The following TBC1D4 variants were observed in gnomAD, a reference collection of about 807,000 sequenced individuals.
TBC1D4 encodes TBC1 domain family member 4, also known as TBC (Tre-2, BUB2, CDC16) domain-containing protein.
TBC1D4 carries 121 observed loss-of-function variants against 142.5 expected under a neutral mutation model. The observed-to-expected ratio is 0.85, with a 90% CI of 0.73 to 0.99. TBC1D4 has a LOEUF of 0.99. TBC1D4 is among the 50% of genes least tolerant of loss of function. The pLI, the probability that TBC1D4 is intolerant of heterozygous loss-of-function variation, is 0.00. For synonymous variants in TBC1D4, 630 were observed against 628.2 expected, an observed-to-expected ratio of 1.00 and a Z score of -0.04; for missense variants, 1,475 against 1,606.6, an observed-to-expected ratio of 0.92 and a Z score of 1.40.
intron 1 of TBC1D4, among the ~76,000 whole-genome samples, chr13:75,456,954 G>T (rs1169013185): frequency 2.6e-5 from 4 of 151,780 alleles, no homozygotes; most frequent in African/African-American, 9.7e-5. Context: ...AATAAAAAAG[G>T]GCAAGTTTCT....
chr13:75,290,246 A>G (rs769225889), intron 19 of TBC1D4, among the ~76,000 whole-genome samples: 4 of 152,080 alleles, frequency 2.6e-5, no homozygotes, highest in Non-Finnish European at 5.9e-5. Context: ...CTAGATGTTG[A>G]GATTTATAGT....
intron 1 of TBC1D4, among the ~76,000 whole-genome samples, chr13:75,379,942 G>T (rs1281162849): frequency 3.2e-5 from 4 of 125,680 alleles, no homozygotes; most frequent in Admixed American, 9.4e-5. Context: ...GTCTTGCTCT[G>T]TTGCCCAGGC....
intron 1 of TBC1D4, among the ~76,000 whole-genome samples, chr13:75,428,777 A>T (rs1886479920): frequency 6.6e-6 from 1 of 152,226 alleles, no homozygotes; most frequent in Non-Finnish European, 1.5e-5. Context: ...CTTGCCGCAA[A>T]CATAAACAGG....
At chr13:75,458,070 G>A (rs1272914183) in intron 1 of TBC1D4, among the ~76,000 whole-genome samples, 1 of 152,234 alleles carries the variant, frequency 6.6e-6, no homozygotes, top group Non-Finnish European at 1.5e-5. Flanking sequence ...TGGAGAGTTG[G>A]GGTGACAGCC....
In TBC1D4 at chr13:75,362,127, G is replaced by A. The variant is rs778830148; in HGVS notation, c.979C>T (p.His327Tyr). ...GGCTGGGATTTCTGGCTGCCCTCGT[G>A]AACTCTCCGTTGCACGCCGGTGACA... ...SSVTGVQRRVHEGSQKSQPRR... is the reference protein window; with the variant it reads ...SSVTGVQRRVYEGSQKSQPRR... The change falls in exon 2 of 21, where the codon CAC becomes TAC. Residue 327 changes from histidine (H) to tyrosine (Y), a missense_variant. By Grantham distance (83) the His-to-Tyr change is moderately conservative. This residue lies in a region of TBC1D4 where 1,227 missense variants were observed against 1,267.7 expected (regional missense o/e 0.97). Coordinates refer to ENST00000377636, the MANE Select transcript of TBC1D4 (RefSeq NM_014832.5). The surrounding 1 kb of genome is among the most constrained non-coding windows in gnomAD (Gnocchi z 4.2). 3.1e-5 allele frequency: 50 copies of A among 1,613,772 alleles called. No individual in the cohort carries two copies. The highest frequency in any genetic ancestry group is 4.0e-5 in the Non-Finnish European group (47 of 1,180,022).
intron 13 of TBC1D4, among the ~76,000 whole-genome samples, chr13:75,312,169 C>T (rs981016515): frequency 3.3e-5 from 5 of 152,030 alleles, no homozygotes; most frequent in Admixed American, 2.0e-4. Context: ...AAGAGAGCTG[C>T]CTGTGCTCTC....
At chr13:75,416,900 T>C (rs1287284348) in intron 1 of TBC1D4, among the ~76,000 whole-genome samples, 1 of 152,162 alleles carries the variant, frequency 6.6e-6, no homozygotes, top group African/African-American at 2.4e-5. Context: ...AGCAGTTTCT[T>C]CTGACCCCTG....
In TBC1D4 at chr13:75,326,250, C is replaced by A; in HGVS notation, c.1980G>T (p.Arg660Ser). The A allele has an allele frequency of 6.2e-7, 1 of 1,614,134 alleles. No individual in the cohort carries two copies. The highest frequency in any genetic ancestry group is 8.5e-7 in the Non-Finnish European group (1 of 1,180,024). ...GCAGAGGGGAACGCACACCCTGAGC[C>A]CTCCCATCCTGCAAATTCAGCTTTC... ...TKRKLNLQDG[R>S]AQGVRSPLLR... The change falls in exon 10 of 21, where the codon AGG becomes AGT. Residue 660 changes from arginine to serine, a missense_variant. By Grantham distance (110) the Arg-to-Ser change is moderately radical (BLOSUM62 -1). Coordinates refer to ENST00000377636, the MANE Select transcript of TBC1D4 (RefSeq NM_014832.5).
intron 16 of TBC1D4, among the ~76,000 whole-genome samples, chr13:75,301,312 T>C (rs1237476940): frequency 6.6e-6 from 1 of 152,162 alleles, no homozygotes; most frequent in African/African-American, 2.4e-5. Context: ...AATCAAAGCA[T>C]TTTTATTTCC....
At chr13:75,391,474 T>C (rs1024738981) in intron 1 of TBC1D4, among the ~76,000 whole-genome samples, 2 of 152,188 alleles carry the variant, frequency 1.3e-5, no homozygotes, top group African/African-American at 2.4e-5. Flanking sequence ...GTCCCTATCA[T>C]ATTAGACCCA....
intron 4 of TBC1D4, among the ~76,000 whole-genome samples, chr13:75,351,389 T>C (rs1189130402): frequency 6.6e-6 from 1 of 152,052 alleles, no homozygotes; most frequent in African/African-American, 2.4e-5. Context: ...GGGGGGTATA[T>C]ATATACTTAT....
At chr13:75,389,897 T>G (rs1159147502) in intron 1 of TBC1D4, among the ~76,000 whole-genome samples, 1 of 152,172 alleles carries the variant, frequency 6.6e-6, no homozygotes, top group African/African-American at 2.4e-5. Context: ...TAGGAAATTC[T>G]CAGCAAACCA....
intron 1 of TBC1D4, among the ~76,000 whole-genome samples, chr13:75,414,836 A>G (rs767459593): frequency 6.6e-6 from 1 of 152,170 alleles, no homozygotes; most frequent in Non-Finnish European, 1.5e-5. Flanking sequence ...GCAAATCGAA[A>G]GTATGGGCCA....
At chr13:75,339,373 C>A (rs1395037253) in intron 7 of TBC1D4, among the ~76,000 whole-genome samples, 3 of 152,024 alleles carry the variant, frequency 2.0e-5, no homozygotes, top group Non-Finnish European at 4.4e-5. Flanking sequence ...CTTTGTGGTG[C>A]AAATCTGATC....
At chr13:75,422,161 C>T (rs1347580284) in intron 1 of TBC1D4, among the ~76,000 whole-genome samples, 1 of 152,156 alleles carries the variant, frequency 6.6e-6, no homozygotes, top group Non-Finnish European at 1.5e-5. Context: ...GCTAATAATG[C>T]TGACCCAGAT....
At chr13:75,436,856 A>G (rs2138182734) in intron 1 of TBC1D4, among the ~76,000 whole-genome samples, 1 of 96,744 alleles carries the variant, frequency 1.0e-5, no homozygotes, top group East Asian at 3.7e-4. Context: ...TAATCAAGTG[A>G]TAAAAGTTAA....
intron 1 of TBC1D4, among the ~76,000 whole-genome samples, chr13:75,372,569 CCTAAGGCT>C (rs1417898428): frequency 2.0e-5 from 3 of 152,144 alleles, no homozygotes; most frequent in African/African-American, 7.2e-5. Context: ...CAAGCCTGGC[CCTAAGGCT>C]CATTTTTTGA....
intron 1 of TBC1D4, among the ~76,000 whole-genome samples, chr13:75,417,308 T>C (rs749558867): frequency 9.9e-5 from 15 of 151,954 alleles, no homozygotes; most frequent in Non-Finnish European, 1.6e-4. Context: ...AGGCTGAAGG[T>C]GTGTGCTGAG....
At chr13:75,408,001 T>G (rs1009973740) in intron 1 of TBC1D4, among the ~76,000 whole-genome samples, 13 of 152,218 alleles carry the variant, frequency 8.5e-5, no homozygotes, top group African/African-American at 3.1e-4. Flanking sequence ...ATTCACCTTT[T>G]CAAAGCATAC....
Sources: gnomAD v4.1 joint callset for allele counts (sites outside exome capture counted in the v4.1 genomes callset) on GRCh38, gnomAD v4.1.1 for gene constraint, gnomAD v4.1.1 regional missense constraint, Gnocchi (gnomAD v3.1) non-coding constraint, MANE v1.5 for transcripts, NCBI Gene and HGNC (gene_info 2026-07-23, HGNC 2026-07-21) for gene names.